The following COL4A6 variants were observed in gnomAD, a reference collection of about 807,000 sequenced individuals.
COL4A6 encodes the protein collagen alpha-6(IV) chain.
Under a neutral mutation model 126.7 loss-of-function variants are expected in COL4A6, and 59 were observed. The observed-to-expected ratio is 0.47, with a 90% CI of 0.38 to 0.58. COL4A6 has a LOEUF of 0.58. Among genes scored for constraint, COL4A6 ranks in the 20% least tolerant of loss-of-function variants. The pLI is 0.00. For synonymous variants in COL4A6, 547 were observed against 496.6 expected (o/e 1.10, Z -1.35); for missense variants, 1,285 against 1,337.3 (o/e 0.96, Z 0.61).
intron 2 of COL4A6, among the ~76,000 whole-genome samples, chrX:108,428,701 A>T (rs1256787795): frequency 1.8e-5 from 2 of 111,541 alleles, no homozygotes; most frequent in Non-Finnish European, 3.8e-5. Context: ...AAAAAGATTC[A>T]TGGGTTCAGG....
intron 37 of COL4A6, 63 bp from the exon 38 acceptor site, chrX:108,165,549 T>G: frequency 1.2e-6 from 1 of 823,184 alleles, no homozygotes; most frequent in Non-Finnish European, 1.7e-6. Flanking sequence ...GCCAGGCTCT[T>G]TCAGAGAAAA....
At chrX:108,212,142 G>T (rs1353367902) in intron 6 of COL4A6, among the ~76,000 whole-genome samples, 1 of 110,144 alleles carries the variant, frequency 9.1e-6, no homozygotes, top group Admixed American at 9.7e-5. Flanking sequence ...TTTATGAAAA[G>T]AACCAGATAG....
intron 3 of COL4A6, among the ~76,000 whole-genome samples, chrX:108,301,453 A>G (rs759412439): frequency 2.7e-5 from 3 of 111,776 alleles, no homozygotes; most frequent in Admixed American, 9.5e-5. Context: ...ACGAAGGGCA[A>G]TTGATTTGTT....
intron 2 of COL4A6, among the ~76,000 whole-genome samples, chrX:108,375,871 AAC>A (rs1469818463): frequency 9.0e-6 from 1 of 110,805 alleles, no homozygotes. Context: ...GCAGGTGTGC[AAC>A]AGACTGGTAA....
At chrX:108,298,885 C>A (rs1029769271) in intron 3 of COL4A6, among the ~76,000 whole-genome samples, 6 of 110,596 alleles carry the variant, frequency 5.4e-5, no homozygotes, top group African/African-American at 2.0e-4. Context: ...TCAGTTTGGA[C>A]TTGATTTAAA....
intron 17 of COL4A6, among the ~76,000 whole-genome samples, chrX:108,193,229 C>T (rs951374200): frequency 8.9e-6 from 1 of 112,320 alleles, no homozygotes; most frequent in African/African-American, 3.2e-5. Flanking sequence ...TACTTTTCCA[C>T]TTCCTATGAA....
At chrX:108,169,082 C>A (rs2034216509) in intron 37 of COL4A6, among the ~76,000 whole-genome samples, 1 of 111,133 alleles carries the variant, frequency 9.0e-6, no homozygotes, top group Non-Finnish European at 1.9e-5. Context: ...GTCTTGGGAT[C>A]CTTCCCGCAG....
intron 2 of COL4A6, among the ~76,000 whole-genome samples, chrX:108,312,117 T>C (rs1232839257): frequency 1.8e-5 from 2 of 112,276 alleles, no homozygotes; most frequent in Admixed American, 1.9e-4. Context: ...TTTAGTACCA[T>C]CCAACTTTTT....
chrX:108,175,600 T>A, intron 29 of COL4A6, 54 bp downstream of exon 29: 1 of 1,130,540 alleles, frequency 8.8e-7, no homozygotes, highest in Non-Finnish European at 1.2e-6. Context: ...ACAAACAAAA[T>A]ATATATATTG....
At chrX:108,255,311 G>A (rs1191164555) in intron 3 of COL4A6, among the ~76,000 whole-genome samples, 4 of 108,917 alleles carry the variant, frequency 3.7e-5, no homozygotes, top group Non-Finnish European at 7.6e-5. Flanking sequence ...GGACCAAGGA[G>A]AGAGGCTACA....
chrX:108,165,099 G>C, intron 38 of COL4A6, 61 bp from the exon 39 acceptor site: 1 of 1,076,429 alleles, frequency 9.3e-7, no homozygotes, highest in Non-Finnish European at 1.3e-6. Context: ...CACTGCAGAA[G>C]GCCTAGGGAC....
intron 3 of COL4A6, among the ~76,000 whole-genome samples, chrX:108,292,993 C>CAAAAAAAAAAAAAAAAAAAAAAAAAAAG (rs149076547): frequency 6.9e-5 from 1 of 14,555 alleles, no homozygotes; most frequent in Non-Finnish European, 1.2e-4. Context: ...AGGAAAAAAG[C>CAAAAAAAAAAAAAAAAAAAAAAAAAAAG]AAAAAAAAAA....
chrX:108,327,906 A>G (rs2039199542), intron 2 of COL4A6, among the ~76,000 whole-genome samples: 1 of 111,564 alleles, frequency 9.0e-6, no homozygotes, highest in Non-Finnish European at 1.9e-5. Flanking sequence ...TGATGGCCTG[A>G]ACACCAATAA....
chrX:108,348,861 C>G (rs927808587), intron 2 of COL4A6, among the ~76,000 whole-genome samples: 1 of 111,353 alleles, frequency 9.0e-6, no homozygotes. Context: ...TCATTTTTTT[C>G]TTCACCATCA....
Position 108,174,515 on chromosome X carries a change from G to T in COL4A6, c.3063C>A (p.Phe1021Leu). Residue 1021 changes from phenylalanine to leucine, a missense_variant, in exon 31 of 45, where the codon TTC becomes TTA. Physicochemically the swap from Phe to Leu is conservative, Grantham distance 22. Transcript: ENST00000334504. ...GVSGKPGPPG[F>L]MGIRGLPGLK... is the part of the protein sequence containing the mutation. ...GGCCAGGTAAGCCCCGGATTCCCAT[G>T]AAGCCAGGGGGCCCTGGCTTTCCAC... 8.3e-7 allele frequency: 1 copy of T among 1,210,456 alleles called. No individual in the cohort carries two copies. The highest frequency in any genetic ancestry group is 1.1e-6 in the Non-Finnish European group (1 of 894,574).
chrX:108,371,624 G>A (rs1300789196), intron 2 of COL4A6, among the ~76,000 whole-genome samples: 1 of 104,922 alleles, frequency 9.5e-6, no homozygotes, highest in African/African-American at 3.5e-5. Context: ...CAGTGTGGTT[G>A]TGCATGCCTG....
intron 2 of COL4A6, among the ~76,000 whole-genome samples, chrX:108,423,754 C>T (rs1345953869): frequency 8.9e-6 from 1 of 111,897 alleles, no homozygotes; most frequent in Non-Finnish European, 1.9e-5. Flanking sequence ...GTACATATAA[C>T]TCCCTGTATC....
chrX:108,175,491 A>G (rs1439061127), intron 29 of COL4A6, among the ~76,000 whole-genome samples, 163 bp downstream of exon 29: 1 of 112,003 alleles, frequency 8.9e-6, no homozygotes, highest in Non-Finnish European at 1.9e-5. Context: ...GTTAACTAAG[A>G]GGGGATTAAG....
At chrX:108,185,109 T>C (rs192907793) in intron 23 of COL4A6, among the ~76,000 whole-genome samples, 148 of 111,852 alleles carry the variant, frequency 1.3e-3, no homozygotes, top group Non-Finnish European at 2.4e-3. Flanking sequence ...TAAATCCTTA[T>C]GGCCAGGAGC....
Sources: gnomAD v4.1 joint callset for allele counts (sites outside exome capture counted in the v4.1 genomes callset) on GRCh38, gnomAD v4.1.1 for gene constraint, MANE v1.5 for transcripts, NCBI Gene and HGNC (gene_info 2026-07-23, HGNC 2026-07-21) for gene names.